Variants in ARHGEF15 observed in about 807,000 individuals in gnomAD.
ARHGEF15 encodes Rho guanine nucleotide exchange factor 15.
A neutral mutation model predicts 79.7 loss-of-function variants in ARHGEF15; 58 were observed. The ratio of observed to expected loss-of-function variants is 0.73; its 90% CI spans 0.59 to 0.91. The LOEUF (loss-of-function observed/expected upper bound fraction) is 0.91, where lower values mean the gene tolerates loss of function less well. ARHGEF15 is among the 40% of genes least tolerant of loss of function. The pLI, the probability that ARHGEF15 is intolerant of heterozygous loss-of-function variation, is 0.00. For synonymous variants in ARHGEF15, 442 were observed against 456.0 expected, an observed-to-expected ratio of 0.97 and a Z score of 0.39; for missense variants, 1,012 against 1,108.1, an observed-to-expected ratio of 0.91 and a Z score of 1.23.
In ARHGEF15 at chr17:8,312,530, G is replaced by A. The variant is rs1060500050; in HGVS notation, c.491G>A (p.Arg164Gln). The change falls in exon 2 of 16, where the codon CGG becomes CAG. Residue 164 changes from arginine to glutamine, a missense_variant. By Grantham distance (43) the Arg-to-Gln change is conservative. Coordinates refer to ENST00000361926, the MANE Select transcript of ARHGEF15 (RefSeq NM_173728.4). ...AGRFEGGAEGRAQDADAPEPG... is the reference protein window; with the variant it reads ...AGRFEGGAEGQAQDADAPEPG... ...AGGTTTGAAGGGGGTGCTGAAGGCC[G>A]GGCTCAGGATGCAGATGCCCCGGAG... 8.1e-6 allele frequency: 13 copies of A among 1,609,986 alleles called. No individual in the cohort carries two copies. Among genetic ancestry groups the A allele is most frequent in the South Asian group, 4.4e-5 (4 of 90,690 alleles).
chr17:8,313,846 G>A (rs62064282), intron 4 of ARHGEF15: 17,489 of 321,414 alleles, frequency 0.054, 554 homozygotes, highest in Middle Eastern at 0.089. Context: ...CCTGGCTAAC[G>A]TGGTGAAACC....
intron 1 of ARHGEF15, among the ~76,000 whole-genome samples, chr17:8,311,398 C>T (rs572442990): frequency 3.3e-5 from 5 of 152,174 alleles, no homozygotes; most frequent in South Asian, 4.1e-4. Context: ...CAGGAGAGAC[C>T]TCGCCAGGAC....
chr17:8,312,806 A>G, intron 2 of ARHGEF15, 116 bp from the exon 3 acceptor site: 1 of 1,555,950 alleles, frequency 6.4e-7, no homozygotes, highest in Non-Finnish European at 8.8e-7. Flanking sequence ...GAGGAGATCT[A>G]TAGATGCCTG....
At position 8,320,793 on chromosome 17, in the gene ARHGEF15, C is replaced by T. The variant is rs989784018; in HGVS notation, c.2375-49C>T. 3.1e-6 allele frequency: 5 copies of T among 1,597,886 alleles called. No homozygotes were observed. The African/African-American group carries it at 5.4e-5, about 17-fold the overall frequency. ...CCACGAGGCCCCCTTTGCCTCCTCACCTGCTCCCTGCCCCCACCTCATTGG... is the reference window on the plus strand; with the variant it reads ...CCACGAGGCCCCCTTTGCCTCCTCATCTGCTCCCTGCCCCCACCTCATTGG... On this transcript the variant is annotated intron_variant, in intron 15 of 15. Transcript: ENST00000361926.
chr17:8,317,196 G>A (rs1905079093), intron 9 of ARHGEF15, among the ~76,000 whole-genome samples: 1 of 152,040 alleles, frequency 6.6e-6, no homozygotes, highest in Non-Finnish European at 1.5e-5. Context: ...AAATTCCTGG[G>A]CTCAAGGGAT....
intron 15 of ARHGEF15, 31 bp from the exon 16 acceptor site, chr17:8,320,811 C>T: frequency 6.2e-7 from 1 of 1,609,670 alleles, no homozygotes. Flanking sequence ...CTGCCCCCAC[C>T]TCATTGGAGC....
chr17:8,319,365 G>C lies in ARHGEF15; in HGVS notation c.2240G>C (p.Cys747Ser). The change falls in exon 14 of 16, where the codon TGC (cysteine) becomes TCC (serine). Residue 747 changes from cysteine (C) to serine (S), a missense_variant. Cys to Ser is a moderately radical substitution (Grantham distance 112). Coordinates refer to ENST00000361926, the MANE Select transcript of ARHGEF15 (RefSeq NM_173728.4). ...TTCCCAACCCCAGGCCCCCTTCCCT[G>C]CTCCCCAGACACCATCTATGAGGAC... ...GAFPTPGPLP[C>S]SPDTIYEDCD... 2 of 1,613,976 alleles carry C rather than the reference G, an allele frequency of 1.2e-6. No individual in the cohort carries two copies. The highest frequency in any genetic ancestry group is 1.1e-5 in the South Asian group (1 of 91,038).
chr17:8,319,475 T>G (rs1250332366), intron 14 of ARHGEF15, 24 bp from the exon 15 acceptor site: 1 of 1,590,908 alleles, frequency 6.3e-7, no homozygotes, highest in Admixed American at 1.8e-5. Context: ...CAGAATCACT[T>G]TAATGTCACC....
chr17:8,318,525 C>T lies in ARHGEF15; in HGVS notation c.1780-45C>T, dbSNP rs759747105. On this transcript the variant is annotated intron_variant, in intron 10 of 15. Transcript: ENST00000361926. The surrounding 1 kb of genome is among the most constrained non-coding windows in gnomAD (Gnocchi z 5.0). ...GGTGGTAGAGAGAAATGGTAGGGAG[C>T]AGGGGGCTGGCCGCTGGGGTGGTGA... is the stretch of plus-strand genomic sequence containing the variant. The T allele has an allele frequency of 1.2e-6, 2 of 1,612,550 alleles. No individual in the cohort carries two copies. Among genetic ancestry groups the T allele is most frequent in the East Asian group, 4.5e-5 (2 of 44,868 alleles).
Position 8,313,065 on chromosome 17 carries a change from T to TCCCC in ARHGEF15, c.748_749insCCCC (p.Arg250ProfsTer23). On this transcript the variant is annotated frameshift_variant, in exon 3 of 16. Coordinates refer to ENST00000361926, the MANE Select transcript of ARHGEF15 (RefSeq NM_173728.4). LOFTEE classifies it high-confidence loss of function. ...GGCCTCCCCGCTGCGGACCTCTCGC[T>TCCCC]CCCGCCCCCACCCTCCAAGCATCGG... 1.3e-6 allele frequency: 2 copies of TCCCC among 1,593,396 alleles called. No individual in the cohort carries two copies. Among genetic ancestry groups the TCCCC allele is most frequent in the Admixed American group, 3.3e-5 (2 of 59,842 alleles).
In ARHGEF15 at chr17:8,318,746, G is replaced by A. The variant is rs755612208; in HGVS notation, c.1873-4G>A. On this transcript the variant is annotated splice_region_variant and splice_polypyrimidine_tract_variant and intron_variant, in intron 11 of 15. Coordinates refer to ENST00000361926, the MANE Select transcript of ARHGEF15 (RefSeq NM_173728.4). This position sits in a 1 kb window ranked among gnomAD's most constrained non-coding sequence, Gnocchi z 5.0. Reference sequence around the variant, plus strand: ...GAACCTCCTCTGCCTCCGCTTCCTCGCAGGCCCTGCCCCTGGTCTCCTGGT... The same window carrying A: ...GAACCTCCTCTGCCTCCGCTTCCTCACAGGCCCTGCCCCTGGTCTCCTGGT... 46 of 1,611,828 alleles carry A rather than the reference G, an allele frequency of 2.9e-5. No homozygotes were observed. The East Asian group carries it at 7.1e-4, about 25-fold the overall frequency.
Position 8,313,565 on chromosome 17 carries a change from A to AC in ARHGEF15, c.989+15dup. On this transcript the variant is annotated intron_variant, in intron 4 of 15. Coordinates refer to ENST00000361926, the MANE Select transcript of ARHGEF15 (RefSeq NM_173728.4). The stretch of plus-strand genomic sequence containing the variant: ...CAACTGTGGAGGGGAGGTACTGAAC[A>AC]CCCCCACCCCTACTCCCTGGTTCTC... 1 of 1,608,488 alleles carries AC rather than the reference A, an allele frequency of 6.2e-7. No individual in the cohort carries two copies. Among genetic ancestry groups the AC allele is most frequent in the African/African-American group, 1.3e-5 (1 of 74,156 alleles).
intron 1 of ARHGEF15, among the ~76,000 whole-genome samples, 153 bp downstream of exon 1, chr17:8,310,496 G>A (rs924467078): frequency 2.6e-5 from 4 of 152,018 alleles, no homozygotes; most frequent in South Asian, 2.1e-4. Context: ...AGGGACGCAC[G>A]CAGCATCCCT....
At chr17:8,312,752 G>A (rs1904732028) in intron 2 of ARHGEF15, 112 bp downstream of exon 2, 5 of 1,594,824 alleles carry the variant, frequency 3.1e-6, no homozygotes, top group Non-Finnish European at 4.3e-6. Flanking sequence ...TAATGTTTGG[G>A]ATATCTGGTT....
rs867056869 is a variant in ARHGEF15 at position 8,318,841 on chromosome 17, C to T, written c.1964C>T (p.Ser655Leu). The change falls in exon 12 of 16, where the codon TCG (serine) becomes TTG (leucine). Residue 655 changes from serine to leucine, a missense_variant. Physicochemically the swap from Ser to Leu is moderately radical, Grantham distance 145. Transcript: ENST00000361926. This position sits in a 1 kb window ranked among gnomAD's most constrained non-coding sequence, Gnocchi z 5.0. ...CGGAGGGGGGGCGTGCTCTTTGCCT[C>T]GCGCCCCCGCTTCACCCCTCTTTGC... Reference protein sequence around the residue: ...GCRRGGVLFASRPRFTPLCLL... With the variant: ...GCRRGGVLFALRPRFTPLCLL... 4 of 1,613,458 alleles carry T rather than the reference C, an allele frequency of 2.5e-6. No individual in the cohort carries two copies. Among genetic ancestry groups the T allele is most frequent in the Non-Finnish European group, 3.4e-6 (4 of 1,180,002 alleles).
Position 8,318,873 on chromosome 17 carries a change from C to T in ARHGEF15, c.1996C>T (p.Leu666Phe). ...CCGCTTCACCCCTCTTTGCCTGCTGCTCTTTAGCGACCTGCTGCTCATCAC... is the reference window on the plus strand; with the variant it reads ...CCGCTTCACCCCTCTTTGCCTGCTGTTCTTTAGCGACCTGCTGCTCATCAC... ...RPRFTPLCLL[L>F]FSDLLLITQP... Residue 666 changes from leucine to phenylalanine, a missense_variant, in exon 12 of 16, where the codon CTC (leucine) becomes TTC (phenylalanine). By Grantham distance (22) the Leu-to-Phe change is conservative. Around this residue, in one of 3 missense-constraint regions of ARHGEF15, gnomAD observed 62 missense variants for 101.3 expected, o/e 0.61. Coordinates refer to ENST00000361926, the MANE Select transcript of ARHGEF15 (RefSeq NM_173728.4). This position sits in a 1 kb window ranked among gnomAD's most constrained non-coding sequence, Gnocchi z 5.0. 3 of 1,613,162 alleles carry T rather than the reference C, an allele frequency of 1.9e-6. No individual in the cohort carries two copies. The highest frequency in any genetic ancestry group is 2.5e-6 in the Non-Finnish European group (3 of 1,179,994).
Position 8,318,824 on chromosome 17 carries a change from G to T in ARHGEF15, c.1947G>T (p.Gly649=). Residue 649 remains glycine (G), a synonymous_variant, in exon 12 of 16, where the codon GGG becomes GGT. Coordinates refer to ENST00000361926, the MANE Select transcript of ARHGEF15 (RefSeq NM_173728.4). This position sits in a 1 kb window ranked among gnomAD's most constrained non-coding sequence, Gnocchi z 5.0. ...GELTELGCRR[G]GVLFASRPRF... is the part of the protein sequence containing the mutation. ...TGACTGAGTTAGGGTGCCGGAGGGG[G>T]GGCGTGCTCTTTGCCTCGCGCCCCC... 6.2e-7 allele frequency: 1 copy of T among 1,613,686 alleles called. No individual in the cohort carries two copies. The highest frequency in any genetic ancestry group is 8.5e-7 in the Non-Finnish European group (1 of 1,179,988).
intron 4 of ARHGEF15, 79 bp downstream of exon 4, chr17:8,313,634 C>A: frequency 6.9e-7 from 1 of 1,458,656 alleles, no homozygotes; most frequent in Non-Finnish European, 9.4e-7. Flanking sequence ...CCTTCAGCTC[C>A]AGCTAAATCC....
At chr17:8,314,995 T>C in intron 5 of ARHGEF15, 31 bp downstream of exon 5, 1 of 1,613,702 alleles carries the variant, frequency 6.2e-7, no homozygotes, top group Non-Finnish European at 8.5e-7. Flanking sequence ...GGGTCCCTGC[T>C]GTGACCATCA....
Sources: gnomAD v4.1 joint callset for allele counts (sites outside exome capture counted in the v4.1 genomes callset) on GRCh38, gnomAD v4.1.1 for gene constraint, gnomAD v4.1.1 regional missense constraint, Gnocchi (gnomAD v3.1) non-coding constraint, MANE v1.5 for transcripts, NCBI Gene and HGNC (gene_info 2026-07-23, HGNC 2026-07-21) for gene names.